TBXAS1: variants seen among roughly 807,000 people sequenced by gnomAD.
TBXAS1 encodes the protein thromboxane A synthase 1.
In TBXAS1, 48 loss-of-function variants were observed where a neutral mutation model predicts 60.7. The observed-to-expected ratio is 0.79, with a 90% CI of 0.63 to 1.01. The LOEUF is 1.01. TBXAS1 is among the 50% of genes least tolerant of loss of function. The pLI is 0.00. For synonymous variants in TBXAS1, 287 were observed against 269.7 expected (o/e 1.06, Z -0.63); for missense variants, 685 against 686.3 (o/e 1.00, Z 0.02).
chr7:139,833,228 T>C (rs979283385), intron 1 of TBXAS1, among the ~76,000 whole-genome samples: 2 of 152,196 alleles, frequency 1.3e-5, no homozygotes, highest in South Asian at 2.1e-4. Flanking sequence ...ACCAACCAAC[T>C]ATCTGCTGCC....
intron 9 of TBXAS1, among the ~76,000 whole-genome samples, chr7:140,001,592 T>C (rs933362328): frequency 1.3e-5 from 2 of 152,208 alleles, no homozygotes; most frequent in African/African-American, 2.4e-5. Context: ...GATTTCACCA[T>C]GTTGCCCAGG....
chr7:139,903,280 C>T (rs1183810073), intron 3 of TBXAS1, among the ~76,000 whole-genome samples: 1 of 152,072 alleles, frequency 6.6e-6, no homozygotes, highest in African/African-American at 2.4e-5. Flanking sequence ...TTATGTCATT[C>T]CTTTTAATGG....
intron 4 of TBXAS1, among the ~76,000 whole-genome samples, chr7:139,812,198 T>A (rs796275850): frequency 2.0e-5 from 3 of 152,206 alleles, no homozygotes; most frequent in Admixed American, 6.5e-5. Context: ...AGAAACTCTT[T>A]CCAGAGCAAA....
rs1814756762 is a variant in TBXAS1 at position 140,013,208 on chromosome 7, G to A, written c.1227-2515G>A. On this transcript the variant is annotated intron_variant, in intron 10 of 12. Transcript: ENST00000448866. The surrounding 1 kb of genome is among the most constrained non-coding windows in gnomAD (Gnocchi z 4.2). The stretch of plus-strand genomic sequence containing the variant: ...AAGACTGTTGTCTGGCAAGTGAACT[G>A]TTTGCTCACGCAAGCAAACCATTGT... Among the ~76,000 whole-genome samples the A allele has an allele frequency of 1.3e-5, 2 of 152,194 alleles. No individual in the cohort carries two copies. The highest frequency in any genetic ancestry group is 2.9e-5 in the Non-Finnish European group (2 of 68,036).
intron 4 of TBXAS1, among the ~76,000 whole-genome samples, chr7:139,810,715 A>G (rs1292735727): frequency 1.3e-5 from 2 of 152,202 alleles, no homozygotes; most frequent in African/African-American, 4.8e-5. Context: ...CTCTGGGATT[A>G]TTTTATACTT....
intron 4 of TBXAS1, among the ~76,000 whole-genome samples, chr7:139,818,209 A>T (rs902431096): frequency 1.3e-5 from 2 of 151,990 alleles, no homozygotes; most frequent in African/African-American, 4.8e-5. Flanking sequence ...GGTGGTGGCT[A>T]CTCTAAGTCC....
chr7:139,985,097 G>T (rs563119910), intron 9 of TBXAS1, among the ~76,000 whole-genome samples: 1 of 152,270 alleles, frequency 6.6e-6, no homozygotes, highest in East Asian at 1.9e-4. Context: ...AGGAGCGAGG[G>T]GCTCACCTCT....
intron 1 of TBXAS1, among the ~76,000 whole-genome samples, chr7:139,867,650 G>A (rs537468963): frequency 2.0e-4 from 30 of 151,102 alleles, no homozygotes; most frequent in South Asian, 1.0e-3. Flanking sequence ...GTGAAACCCC[G>A]TCTCTACTAA....
intron 2 of TBXAS1, among the ~76,000 whole-genome samples, chr7:139,874,391 C>T (rs903303620): frequency 2.6e-5 from 4 of 152,216 alleles, no homozygotes; most frequent in Non-Finnish European, 5.9e-5. Flanking sequence ...GAACGCTGTG[C>T]TCCCGCCTCT....
rs531890821 is a variant in TBXAS1 at position 140,015,785 on chromosome 7, T to C, written c.1289T>C (p.Val430Ala). The C allele has an allele frequency of 6.8e-6, 11 of 1,613,730 alleles. No homozygotes were observed. In the East Asian group the frequency reaches 2.5e-4, roughly 36 times the overall value. ...GGGCAGCGCATCCCCGCAGGCGCTG[T>C]GCTAGAGATGGCCGTGGGTGCCCTG... is the stretch of plus-strand genomic sequence containing the variant. The part of the protein sequence containing the change: ...VLGQRIPAGA[V>A]LEMAVGALHH... The change falls in exon 11 of 13, where the codon GTG (valine) becomes GCG (alanine). Residue 430 changes from valine (V) to alanine (A), a missense_variant. Transcript: ENST00000448866.
In TBXAS1 at chr7:139,808,168, C is replaced by T. The variant is rs10282293; in HGVS notation, c.-80+20742C>T. On this transcript the variant is annotated intron_variant, in intron 4 of 16. Coordinates refer to the TBXAS1 transcript ENST00000336425. ...GCAACATGGCAAAATCCCATCTCTA[C>T]AAAAAAAAAAAATGCAAAAATTAGC... is the stretch of plus-strand genomic sequence containing the variant. 2.2e-5 allele frequency among the ~76,000 whole-genome samples: 3 copies of T among 137,336 alleles called. No homozygotes were observed. The Admixed American group carries it at 2.2e-4, about 10-fold the overall frequency. The allele number at this position is 137,336 out of a possible 152,430, so 90.1% of individuals were successfully genotyped here.
intron 3 of TBXAS1, among the ~76,000 whole-genome samples, chr7:139,882,170 T>C (rs1802749054): frequency 6.6e-6 from 1 of 152,194 alleles, no homozygotes; most frequent in African/African-American, 2.4e-5. Context: ...CAGATGGCTA[T>C]GTGAGACTTC....
intron 3 of TBXAS1, among the ~76,000 whole-genome samples, chr7:139,886,951 G>A (rs987375120): frequency 1.3e-5 from 2 of 152,132 alleles, no homozygotes; most frequent in African/African-American, 4.8e-5. Flanking sequence ...GTCCTCCTCT[G>A]TGTAGGAGCC....
At chr7:139,856,809 C>CGGT (rs1348641254) in intron 1 of TBXAS1, among the ~76,000 whole-genome samples, 1 of 152,118 alleles carries the variant, frequency 6.6e-6, no homozygotes, top group Non-Finnish European at 1.5e-5. Flanking sequence ...ACTCCATAAT[C>CGGT]GGTGGTCTCG....
At chr7:139,872,133 T>C in intron 1 of TBXAS1, 102 bp from the exon 2 acceptor site, 2 of 1,212,374 alleles carry the variant, frequency 1.6e-6, no homozygotes, top group Non-Finnish European at 2.4e-6. Flanking sequence ...CCTATTCTTT[T>C]GCCTTTACTT....
Position 139,975,412 on chromosome 7 carries a change from T to C in TBXAS1, c.1134+13179T>C, listed in dbSNP as rs1425304038. Among the ~76,000 whole-genome samples the C allele has an allele frequency of 6.6e-6, 1 of 152,186 alleles. No homozygotes were observed. Among genetic ancestry groups the C allele is most frequent in the Non-Finnish European group, 1.5e-5 (1 of 68,020 alleles). On this transcript the variant is annotated intron_variant, in intron 9 of 12. Transcript: ENST00000448866. The surrounding 1 kb of genome is among the most constrained non-coding windows in gnomAD (Gnocchi z 4.4). ...TCTGTATTCTTTTCAACCTTGTCTC[T>C]AATATTCCATGATTCCATGGTTCTG...
rs543092786 is a variant in TBXAS1, at chr7:139,932,538, C to CA, written c.334-3642dup. 3.2e-3 allele frequency among the ~76,000 whole-genome samples: 442 copies of CA among 136,940 alleles called. 2 individuals carry two copies. The highest frequency in any genetic ancestry group is 6.4e-3 in the African/African-American group (239 of 37,468). 89.8% of individuals were successfully genotyped at this position (136,940 alleles called of 152,430 possible). A position where few individuals can be genotyped will look rare whatever the true frequency, so the allele number is the denominator to read the frequency against. Reference sequence around the variant, plus strand: ...AACCCAATTCCACTTCTCAGGGTCACAAAAAAAAAAACAAAACCTAAATTC... The same window carrying CA: ...AACCCAATTCCACTTCTCAGGGTCACAAAAAAAAAAAACAAAACCTAAATTC... On this transcript the variant is annotated intron_variant, in intron 4 of 12. Coordinates refer to ENST00000448866, the MANE Select transcript of TBXAS1 (RefSeq NM_001061.7).
intron 12 of TBXAS1, among the ~76,000 whole-genome samples, 186 bp downstream of exon 12, chr7:140,018,019 C>T (rs951172048): frequency 6.6e-6 from 1 of 152,184 alleles, no homozygotes; most frequent in Non-Finnish European, 1.5e-5. Flanking sequence ...ATAATAACAC[C>T]CTCTACCTCT....
At chr7:139,937,416 C>T (rs1807876923) in intron 5 of TBXAS1, among the ~76,000 whole-genome samples, 1 of 152,196 alleles carries the variant, frequency 6.6e-6, no homozygotes, top group Admixed American at 6.5e-5. Flanking sequence ...TCTGAAGTCC[C>T]CCAGAAGAGG....
Sources: allele counts gnomAD v4.1 joint callset (sites outside exome capture counted in the v4.1 genomes callset), GRCh38; gene constraint gnomAD v4.1.1; non-coding constraint Gnocchi (gnomAD v3.1); transcripts MANE v1.5; gene names NCBI Gene and HGNC (gene_info 2026-07-23, HGNC 2026-07-21).